Variants in ANK3 observed in about 807,000 individuals in gnomAD.
ANK3 encodes the protein ankyrin-3.
Under a neutral mutation model 370.9 loss-of-function variants are expected in ANK3, and 57 were observed. The observed-to-expected ratio is 0.15, with a 90% CI of 0.12 to 0.19. The LOEUF is 0.19. Ranked by LOEUF, ANK3 falls within the 10% of genes least tolerant of loss-of-function variation. The pLI is 1.00. For missense variants in ANK3, 4,439 were observed against 5,302.1 expected, an observed-to-expected ratio of 0.84 and a Z score of 5.06; for synonymous variants, 1,929 against 1,946.3, an observed-to-expected ratio of 0.99 and a Z score of 0.23.
chr10:60,217,771 C>A (rs1052141923), intron 8 of ANK3, among the ~76,000 whole-genome samples: 1 of 152,136 alleles, frequency 6.6e-6, no homozygotes. Flanking sequence ...CTACTAGGTC[C>A]ACTTTATCCA....
chr10:60,438,250 C>A (rs967112373), intron 2 of ANK3, among the ~76,000 whole-genome samples: 3 of 151,194 alleles, frequency 2.0e-5, no homozygotes, highest in African/African-American at 7.3e-5. Context: ...CATATAAATA[C>A]ATATATATAT....
intron 2 of ANK3, among the ~76,000 whole-genome samples, chr10:60,492,706 C>CAAAAAAAAAAAAAAAAAAAAAAAAAAAAA (rs764367710): frequency 5.2e-5 from 3 of 57,500 alleles, no homozygotes; most frequent in Admixed American, 2.3e-4. Context: ...GACTCTGTCT[C>CAAAAAAAAAAAAAAAAAAAAAAAAAAAAA]AAAAAAAAAA....
chr10:60,299,319 T>C (rs1043665712), intron 1 of ANK3, among the ~76,000 whole-genome samples: 2 of 152,160 alleles, frequency 1.3e-5, no homozygotes, highest in African/African-American at 4.8e-5. Context: ...AAGATAAAAA[T>C]TGTAAGTTTT....
At chr10:60,562,185 T>G (rs781616680) in intron 2 of ANK3, among the ~76,000 whole-genome samples, 1 of 152,194 alleles carries the variant, frequency 6.6e-6, no homozygotes, top group Non-Finnish European at 1.5e-5. Flanking sequence ...CTTAAAAGAC[T>G]AGTGAGTTAG....
At chr10:60,551,266 G>A (rs1238531143) in intron 2 of ANK3, among the ~76,000 whole-genome samples, 1 of 152,018 alleles carries the variant, frequency 6.6e-6, no homozygotes, top group Non-Finnish European at 1.5e-5. Flanking sequence ...AAGAACAACT[G>A]TTTTAAAAAA....
At chr10:60,595,122 T>C (rs1041968114) in intron 2 of ANK3, among the ~76,000 whole-genome samples, 2 of 152,150 alleles carry the variant, frequency 1.3e-5, no homozygotes, top group Non-Finnish European at 2.9e-5. Context: ...TTTTTAAAAA[T>C]TGATGAACAG....
At chr10:60,724,135 G>A (rs892951465) in intron 1 of ANK3, among the ~76,000 whole-genome samples, 8 of 133,114 alleles carry the variant, frequency 6.0e-5, no homozygotes, top group East Asian at 2.3e-4. Flanking sequence ...GCGTGAACCC[G>A]GGAGGCGGAG....
intron 2 of ANK3, among the ~76,000 whole-genome samples, chr10:60,468,224 T>C (rs2065053891): frequency 6.6e-6 from 1 of 152,086 alleles, no homozygotes; most frequent in Non-Finnish European, 1.5e-5. Flanking sequence ...CCACAGGTGA[T>C]CTGCCCATCT....
At chr10:60,386,179 C>T (rs10994324) in intron 1 of ANK3, among the ~76,000 whole-genome samples, 3,972 of 152,134 alleles carry the variant, frequency 0.026, 72 homozygotes, top group Non-Finnish European at 0.039. Flanking sequence ...TAATAACCCA[C>T]CCAAAGGCAC....
intron 2 of ANK3, among the ~76,000 whole-genome samples, chr10:60,522,709 T>G (rs2076376544): frequency 2.0e-5 from 3 of 152,064 alleles, no homozygotes; most frequent in African/African-American, 7.2e-5. Context: ...CATTTTATAA[T>G]CCTCATAAGG....
chr10:60,084,606 A>G lies in ANK3; in HGVS notation c.4070T>C (p.Ile1357Thr), dbSNP rs765852674. ...NFEEVARSKDIEVLEGKPIYV... is the reference protein window; with the variant it reads ...NFEEVARSKDTEVLEGKPIYV... ...TTGTTTTTGTGAACAAGGTACCTCA[A>G]TATCTTTGCTTCTTGCGACTTCCTC... Residue 1357 changes from isoleucine to threonine, a missense_variant, in exon 32 of 44, where the codon ATT (isoleucine) becomes ACT (threonine). Physicochemically the swap from Ile to Thr is moderately conservative, Grantham distance 89. Coordinates refer to ENST00000280772, the MANE Select transcript of ANK3 (RefSeq NM_020987.5). 16 of 1,613,396 alleles carry G rather than the reference A, an allele frequency of 9.9e-6. 1 individual carries two copies. The highest frequency in any genetic ancestry group is 4.0e-5 in the African/African-American group (3 of 74,924).
chr10:60,439,424 A>G (rs2064238872), intron 2 of ANK3, among the ~76,000 whole-genome samples: 1 of 152,168 alleles, frequency 6.6e-6, no homozygotes, highest in Non-Finnish European at 1.5e-5. Context: ...TTGGGAGGCC[A>G]ACGTAGGAGG....
At chr10:60,386,855 C>CT (rs2062417324) in intron 1 of ANK3, among the ~76,000 whole-genome samples, 2 of 152,128 alleles carry the variant, frequency 1.3e-5, no homozygotes, top group African/African-American at 4.8e-5. Context: ...TCCACTATTA[C>CT]TTTTATGTGA....
chr10:60,537,326 T>C (rs910184316), intron 2 of ANK3, among the ~76,000 whole-genome samples: 1 of 152,052 alleles, frequency 6.6e-6, no homozygotes, highest in Non-Finnish European at 1.5e-5. Flanking sequence ...CAATTTAATG[T>C]GATGCATACC....
At chr10:60,306,028 C>T (rs937457220) in intron 1 of ANK3, among the ~76,000 whole-genome samples, 9 of 151,842 alleles carry the variant, frequency 5.9e-5, no homozygotes, top group Admixed American at 1.3e-4. Flanking sequence ...AATCACATAA[C>T]CTCAGAGCCC....
intron 23 of ANK3, among the ~76,000 whole-genome samples, chr10:60,150,723 G>A (rs1291662440): frequency 1.3e-5 from 2 of 152,026 alleles, no homozygotes; most frequent in Non-Finnish European, 2.9e-5. Flanking sequence ...CTTGCCATGT[G>A]ACATTCCTGC....
chr10:60,418,260 G>A (rs891125680), intron 2 of ANK3, among the ~76,000 whole-genome samples: 1 of 152,132 alleles, frequency 6.6e-6, no homozygotes, highest in African/African-American at 2.4e-5. Flanking sequence ...ACTTCCAGTA[G>A]AGCCTCAATA....
At chr10:60,185,408 C>T (rs1025205766) in intron 17 of ANK3, among the ~76,000 whole-genome samples, 8 of 152,140 alleles carry the variant, frequency 5.3e-5, no homozygotes, top group Non-Finnish European at 1.0e-4. Flanking sequence ...CTCAAGAAGT[C>T]AGTATTGCTA....
At chr10:60,054,633 T>TAA (rs2078782368) in intron 42 of ANK3, among the ~76,000 whole-genome samples, 1 of 152,220 alleles carries the variant, frequency 6.6e-6, no homozygotes, top group Non-Finnish European at 1.5e-5. Context: ...TGATTACTGA[T>TAA]AAGCTGAGAA....
Sources: allele counts gnomAD v4.1 joint callset (sites outside exome capture counted in the v4.1 genomes callset), GRCh38; gene constraint gnomAD v4.1.1; transcripts MANE v1.5; gene names NCBI Gene and HGNC (gene_info 2026-07-23, HGNC 2026-07-21).